MAN1A1: variants seen among roughly 807,000 people sequenced by gnomAD.
MAN1A1 encodes mannosidase alpha class 1A member 1.
MAN1A1 carries 29 observed loss-of-function variants against 70.8 expected under a neutral mutation model. The observed-to-expected ratio is 0.41, with a 90% CI of 0.31 to 0.56. The LOEUF (loss-of-function observed/expected upper bound fraction) is 0.56. Among genes scored for constraint, MAN1A1 ranks in the 20% least tolerant of loss-of-function variants. The pLI, the probability that MAN1A1 is intolerant of heterozygous loss-of-function variation, is 0.29. For synonymous variants in MAN1A1, 349 were observed against 330.1 expected (o/e 1.06, Z -0.62); for missense variants, 747 against 841.3 (o/e 0.89, Z 1.39).
intron 5 of MAN1A1, among the ~76,000 whole-genome samples, chr6:119,255,751 G>A (rs1256253709): frequency 6.6e-6 from 1 of 152,102 alleles, no homozygotes; most frequent in African/African-American, 2.4e-5. Context: ...AGAGACGGGT[G>A]ATCCTTTTGA....
At chr6:119,299,967 A>G (rs1020254819) in intron 4 of MAN1A1, among the ~76,000 whole-genome samples, 5 of 152,194 alleles carry the variant, frequency 3.3e-5, no homozygotes, top group African/African-American at 1.2e-4. Context: ...AAAAACCGCT[A>G]TTATATTTGA....
chr6:119,249,389 C>T (rs564975206), intron 5 of MAN1A1, among the ~76,000 whole-genome samples: 3 of 152,302 alleles, frequency 2.0e-5, no homozygotes, highest in South Asian at 4.1e-4. Flanking sequence ...GGCCCATCCT[C>T]AGTTTTAGGT....
intron 2 of MAN1A1, among the ~76,000 whole-genome samples, chr6:119,335,417 G>A (rs1562247088): frequency 6.6e-6 from 1 of 152,202 alleles, no homozygotes; most frequent in Non-Finnish European, 1.5e-5. Flanking sequence ...AGGGAGGACA[G>A]AAGTGTTTCT....
intron 8 of MAN1A1, among the ~76,000 whole-genome samples, chr6:119,197,559 A>G (rs1773603654): frequency 6.6e-6 from 1 of 152,154 alleles, no homozygotes; most frequent in Non-Finnish European, 1.5e-5. Context: ...AGAATAGAGG[A>G]AAAGTGGATG....
intron 6 of MAN1A1, among the ~76,000 whole-genome samples, chr6:119,210,428 A>G (rs751728351): frequency 6.7e-6 from 1 of 149,606 alleles, no homozygotes; most frequent in African/African-American, 2.5e-5. Context: ...TACACCACTT[A>G]AAAAAAAATC....
intron 2 of MAN1A1, among the ~76,000 whole-genome samples, chr6:119,347,478 T>C (rs1241077275): frequency 2.0e-5 from 3 of 152,224 alleles, no homozygotes; most frequent in Non-Finnish European, 4.4e-5. Flanking sequence ...ATGTGGTTCC[T>C]ACAGCTTTTC....
intron 8 of MAN1A1, among the ~76,000 whole-genome samples, chr6:119,195,742 G>C (rs1170486673): frequency 1.3e-5 from 2 of 152,162 alleles, no homozygotes; most frequent in African/African-American, 4.8e-5. Context: ...TTAATAAAGG[G>C]CTGTAACTAC....
chr6:119,196,657 T>C (rs898578977), intron 8 of MAN1A1, among the ~76,000 whole-genome samples: 1 of 152,128 alleles, frequency 6.6e-6, no homozygotes, highest in East Asian at 1.9e-4. Context: ...ATTTCTAATA[T>C]CTAAAAAAGA....
rs1245803326 is a variant in MAN1A1, at chr6:119,304,475, T to C, written c.701-2372A>G. Among the ~76,000 whole-genome samples the C allele has an allele frequency of 2.6e-5, 4 of 152,230 alleles. No homozygotes were observed. The East Asian group carries it at 7.7e-4, about 29-fold the overall frequency. On this transcript the variant is annotated intron_variant, in intron 3 of 12. Transcript: ENST00000368468. ...TGAGTATAATTGGTCAAGCACAAAA[T>C]ACCTCTCTTTGAGGTACAGTTTAAC...
intron 11 of MAN1A1, among the ~76,000 whole-genome samples, chr6:119,182,734 C>T (rs1773185501): frequency 6.6e-6 from 1 of 152,032 alleles, no homozygotes; most frequent in Non-Finnish European, 1.5e-5. Context: ...AAGTTTAAGA[C>T]TAAAACCCTA....
At chr6:119,290,567 G>T in intron 5 of MAN1A1, 116 bp downstream of exon 5, 1 of 686,534 alleles carries the variant, frequency 1.5e-6, no homozygotes, top group Non-Finnish European at 2.5e-6. Flanking sequence ...CAGCTTCATT[G>T]AAATATAAAA....
intron 6 of MAN1A1, among the ~76,000 whole-genome samples, chr6:119,232,860 C>A (rs1169220949): frequency 6.6e-6 from 1 of 152,022 alleles, no homozygotes; most frequent in Non-Finnish European, 1.5e-5. Flanking sequence ...CCTTTAGAAT[C>A]AACACAATAA....
chr6:119,220,511 C>T (rs548327812), intron 6 of MAN1A1, among the ~76,000 whole-genome samples: 90 of 152,178 alleles, frequency 5.9e-4, no homozygotes, highest in Admixed American at 3.8e-3. Context: ...TATTGGTAAT[C>T]CACATTAAAA....
chr6:119,290,661 T>C, intron 5 of MAN1A1, 22 bp downstream of exon 5: 1 of 1,563,070 alleles, frequency 6.4e-7, no homozygotes, highest in Non-Finnish European at 8.8e-7. Flanking sequence ...AATTCACATT[T>C]ATATACCACT....
At chr6:119,266,160 C>G (rs529492286) in intron 5 of MAN1A1, among the ~76,000 whole-genome samples, 1 of 151,952 alleles carries the variant, frequency 6.6e-6, no homozygotes, top group African/African-American at 2.4e-5. Flanking sequence ...GATTGAATAC[C>G]AAGACGTCAG....
intron 5 of MAN1A1, among the ~76,000 whole-genome samples, chr6:119,248,706 G>C (rs899149370): frequency 4.6e-5 from 7 of 152,164 alleles, no homozygotes; most frequent in African/African-American, 1.7e-4. Flanking sequence ...TGATTTCAAT[G>C]TGCAAGCCAG....
chr6:119,216,697 T>C (rs993381064), intron 6 of MAN1A1, among the ~76,000 whole-genome samples: 4 of 152,188 alleles, frequency 2.6e-5, no homozygotes, highest in African/African-American at 7.2e-5. Flanking sequence ...GCAATGGCTT[T>C]TCTGAAATCA....
chr6:119,335,631 T>C (rs186020381), intron 2 of MAN1A1, among the ~76,000 whole-genome samples: 2 of 152,222 alleles, frequency 1.3e-5, no homozygotes, highest in Non-Finnish European at 2.9e-5. Flanking sequence ...AGGCCAAAGA[T>C]AGAAATAATC....
intron 5 of MAN1A1, among the ~76,000 whole-genome samples, chr6:119,270,236 T>C (rs900980397): frequency 1.3e-5 from 2 of 151,932 alleles, no homozygotes; most frequent in African/African-American, 4.8e-5. Flanking sequence ...TTAGAGATGC[T>C]CATAGCTACT....
Sources: gnomAD v4.1 joint callset for allele counts (sites outside exome capture counted in the v4.1 genomes callset) on GRCh38, gnomAD v4.1.1 for gene constraint, MANE v1.5 for transcripts, NCBI Gene and HGNC (gene_info 2026-07-23, HGNC 2026-07-21) for gene names.